Variants in CTNNA2 observed in about 807,000 individuals in gnomAD.
CTNNA2 encodes catenin alpha-2.
Under a neutral mutation model 101.0 loss-of-function variants are expected in CTNNA2, and 42 were observed. That is an observed-to-expected ratio of 0.42 (90% confidence interval 0.32 to 0.54). The LOEUF is 0.54. Among genes scored for constraint, CTNNA2 ranks in the 20% least tolerant of loss-of-function variants. CTNNA2 has a pLI of 0.14. For synonymous variants in CTNNA2, 450 were observed against 456.4 expected (o/e 0.99, Z 0.18); for missense variants, 871 against 1,223.1 (o/e 0.71, Z 4.29).
At position 80,604,211 on chromosome 2, in the gene CTNNA2, G is replaced by T. The variant is rs766559671; in HGVS notation, c.2295+32G>T. ...GAAGAGGGAAGGGTGGGCACATGCTGAGTGGAGTCACTAATTAGCACTTGG... is the reference window on the plus strand; with the variant it reads ...GAAGAGGGAAGGGTGGGCACATGCTTAGTGGAGTCACTAATTAGCACTTGG... On this transcript the variant is annotated intron_variant, in intron 16 of 18. Coordinates refer to ENST00000402739, the MANE Select transcript of CTNNA2 (RefSeq NM_001282597.3). The T allele has an allele frequency of 3.9e-6, 6 of 1,555,992 alleles. No individual in the cohort carries two copies. The East Asian group carries it at 1.3e-4, about 35-fold the overall frequency.
intron 3 of CTNNA2, among the ~76,000 whole-genome samples, chr2:79,780,022 C>T (rs1210632396): frequency 3.3e-5 from 5 of 152,172 alleles, no homozygotes; most frequent in Non-Finnish European, 7.4e-5. Context: ...CTGGAGGCTT[C>T]ATCTGCATCA....
intron 7 of CTNNA2, among the ~76,000 whole-genome samples, chr2:79,912,204 C>G (rs1349525385): frequency 6.6e-6 from 1 of 152,210 alleles, no homozygotes; most frequent in Non-Finnish European, 1.5e-5. Context: ...TAAAAATCTC[C>G]TCATCAGTCC....
At chr2:79,664,710 T>C (rs1397181252) in intron 2 of CTNNA2, among the ~76,000 whole-genome samples, 1 of 77,832 alleles carries the variant, frequency 1.3e-5, no homozygotes, top group Admixed American at 1.2e-4. Context: ...TTCTTCTTTT[T>C]TTTTTTTTTT....
chr2:79,608,688 C>G (rs568299108), intron 1 of CTNNA2, among the ~76,000 whole-genome samples: 1 of 152,140 alleles, frequency 6.6e-6, no homozygotes, highest in South Asian at 2.1e-4. Context: ...CAGCAAAAAG[C>G]ATTTGAAAAC....
At chr2:80,273,895 G>T (rs1015488754) in intron 7 of CTNNA2, among the ~76,000 whole-genome samples, 2 of 151,876 alleles carry the variant, frequency 1.3e-5, no homozygotes, top group African/African-American at 2.4e-5. Flanking sequence ...TCTTGTTATT[G>T]CATTTCTCTC....
At chr2:79,806,287 A>G (rs181153189) in intron 3 of CTNNA2, among the ~76,000 whole-genome samples, 11 of 152,236 alleles carry the variant, frequency 7.2e-5, no homozygotes, top group Non-Finnish European at 1.3e-4. Flanking sequence ...TGAAGGGAGC[A>G]TATTGGCATT....
chr2:79,658,508 T>G (rs1681779843), intron 2 of CTNNA2, among the ~76,000 whole-genome samples: 1 of 152,058 alleles, frequency 6.6e-6, no homozygotes, highest in Non-Finnish European at 1.5e-5. Flanking sequence ...AGAAAAAATA[T>G]TTTAATGGAG....
chr2:80,060,197 T>C (rs1697484614), intron 7 of CTNNA2, among the ~76,000 whole-genome samples: 1 of 152,172 alleles, frequency 6.6e-6, no homozygotes, highest in African/African-American at 2.4e-5. Context: ...ATAGGTTCAC[T>C]GAACTGCTAT....
At chr2:79,212,381 G>A (rs1380971855) in intron 2 of CTNNA2, among the ~76,000 whole-genome samples, 3 of 152,190 alleles carry the variant, frequency 2.0e-5, no homozygotes, top group Non-Finnish European at 2.9e-5. Context: ...GTCTATACAG[G>A]AGCTCAAATG....
intron 7 of CTNNA2, 134 bp downstream of exon 7, chr2:79,909,931 A>C: frequency 1.1e-6 from 1 of 896,602 alleles, no homozygotes; most frequent in Non-Finnish European, 1.6e-6. Flanking sequence ...GAAACCAAAG[A>C]ACTGCTTTGG....
At chr2:80,495,513 G>A (rs1462538872) in intron 9 of CTNNA2, among the ~76,000 whole-genome samples, 1 of 152,188 alleles carries the variant, frequency 6.6e-6, no homozygotes, top group African/African-American at 2.4e-5. Flanking sequence ...GAGAAATATT[G>A]AAGTATTAAC....
At position 79,343,723 on chromosome 2, in the gene CTNNA2, G is replaced by GATTATTATT. The variant is rs71385268; in HGVS notation, c.-317-30080_-317-30072dup. On this transcript the variant is annotated intron_variant, in intron 3 of 21. Coordinates refer to the CTNNA2 transcript ENST00000466387. The stretch of plus-strand genomic sequence containing the variant: ...GTAACAATGGCCTGAAGACACGGAC[G>GATTATTATT]ATTATTATTATTATTATTATTATTA... Among the ~76,000 whole-genome samples, 374 of 147,958 alleles carry GATTATTATT rather than the reference G, an allele frequency of 2.5e-3. 2 individuals are homozygous for GATTATTATT. Among genetic ancestry groups the GATTATTATT allele is most frequent in the African/African-American group, 8.4e-3 (336 of 40,078 alleles).
chr2:79,899,222 C>A (rs1218945938), intron 6 of CTNNA2, among the ~76,000 whole-genome samples: 2 of 152,008 alleles, frequency 1.3e-5, no homozygotes, highest in African/African-American at 4.8e-5. Flanking sequence ...GTTAAGCCCT[C>A]TAAAAATCTG....
intron 3 of CTNNA2, among the ~76,000 whole-genome samples, chr2:79,352,566 T>A (rs895347084): frequency 6.6e-6 from 1 of 152,174 alleles, no homozygotes; most frequent in Admixed American, 6.6e-5. Flanking sequence ...TTGTATGGAT[T>A]TTTGTGTCTC....
intron 7 of CTNNA2, among the ~76,000 whole-genome samples, chr2:79,953,525 C>T (rs898868320): frequency 2.0e-5 from 3 of 152,168 alleles, no homozygotes; most frequent in African/African-American, 7.2e-5. Flanking sequence ...GGAAGAACCA[C>T]ACAGGTAGAT....
intron 4 of CTNNA2, among the ~76,000 whole-genome samples, 164 bp downstream of exon 4, chr2:79,858,343 A>G (rs1334558266): frequency 6.6e-6 from 1 of 152,206 alleles, no homozygotes; most frequent in Non-Finnish European, 1.5e-5. Context: ...ATAAAATTAT[A>G]TTCAATAATA....
intron 18 of CTNNA2, among the ~76,000 whole-genome samples, chr2:80,629,137 C>A (rs1431095760): frequency 6.6e-6 from 1 of 151,952 alleles, no homozygotes; most frequent in African/African-American, 2.4e-5. Context: ...TATCTTCTCT[C>A]CCCACAAAAG....
intron 1 of CTNNA2, among the ~76,000 whole-genome samples, chr2:79,192,184 C>A (rs1420585333): frequency 1.3e-5 from 2 of 152,052 alleles, no homozygotes; most frequent in Non-Finnish European, 2.9e-5. Flanking sequence ...TTCCCACACC[C>A]ATCATGGCTA....
At chr2:80,217,347 G>T (rs995968131) in intron 7 of CTNNA2, among the ~76,000 whole-genome samples, 1 of 151,890 alleles carries the variant, frequency 6.6e-6, no homozygotes, top group Non-Finnish European at 1.5e-5. Context: ...CCAGTGTCTC[G>T]GGGTCCAAGG....
Sources: gnomAD v4.1 joint callset for allele counts (sites outside exome capture counted in the v4.1 genomes callset) on GRCh38, gnomAD v4.1.1 for gene constraint, MANE v1.5 for transcripts, NCBI Gene and HGNC (gene_info 2026-07-23, HGNC 2026-07-21) for gene names.